LPCAT1: variants seen among roughly 807,000 people sequenced by gnomAD.
The protein encoded by LPCAT1 is lysophosphatidylcholine acyltransferase 1, also known as 1-acylglycerol-3-phosphate O-acyltransferase.
A neutral mutation model predicts 60.9 loss-of-function variants in LPCAT1; 23 were observed. The observed-to-expected ratio is 0.38, with a 90% CI of 0.27 to 0.53. The LOEUF is 0.53. LPCAT1 is among the 20% of genes least tolerant of loss of function. The probability of loss-of-function intolerance (pLI) is 0.82; values close to 1 mark genes in which losing one functional copy is unlikely to be tolerated. For missense variants in LPCAT1, 622 were observed against 723.6 expected, an observed-to-expected ratio of 0.86 and a Z score of 1.61; for synonymous variants, 340 against 301.1, an observed-to-expected ratio of 1.13 and a Z score of -1.34.
chr5:1,494,041 C>A (rs1472192970), intron 3 of LPCAT1, among the ~76,000 whole-genome samples: 1 of 152,238 alleles, frequency 6.6e-6, no homozygotes, highest in Admixed American at 6.5e-5. Flanking sequence ...CCCAGAGACG[C>A]CTTGATTTTG....
chr5:1,513,631 G>A (rs1181528077), intron 1 of LPCAT1, among the ~76,000 whole-genome samples: 3 of 152,018 alleles, frequency 2.0e-5, no homozygotes, highest in African/African-American at 7.2e-5. Context: ...CCGTGGGGCA[G>A]GACACCCTGC....
chr5:1,470,033 G>A (rs1734603024), intron 12 of LPCAT1, among the ~76,000 whole-genome samples: 1 of 152,272 alleles, frequency 6.6e-6, no homozygotes, highest in Non-Finnish European at 1.5e-5. Flanking sequence ...TGGAGAGGGT[G>A]TGCTGGCATC....
intron 3 of LPCAT1, among the ~76,000 whole-genome samples, chr5:1,493,850 AG>A (rs1225523331): frequency 6.6e-6 from 1 of 152,246 alleles, no homozygotes; most frequent in Non-Finnish European, 1.5e-5. Context: ...GTTTTTACAG[AG>A]GTAACTCGTT....
rs912499728 is a variant in LPCAT1, at chr5:1,483,791, C to T, written c.668-305G>A. Among the ~76,000 whole-genome samples, 41 of 150,526 alleles carry T rather than the reference C, an allele frequency of 2.7e-4. No individual in the cohort carries two copies. Among genetic ancestry groups the T allele is most frequent in the South Asian group, 4.2e-4 (2 of 4,730 alleles). On this transcript the variant is annotated intron_variant, in intron 5 of 13. Transcript: ENST00000283415. This position sits in a 1 kb window ranked among gnomAD's most constrained non-coding sequence, Gnocchi z 9.2. ...ACACTTGCTATTATAACATTGCGCA[C>T]GAGCTGGAAGACATCCGTGGAGGGA... is the stretch of plus-strand genomic sequence containing the variant.
intron 12 of LPCAT1, chr5:1,467,222 G>A (rs1336162071): frequency 1.4e-5 from 4 of 293,870 alleles, no homozygotes; most frequent in Non-Finnish European, 6.3e-6. Flanking sequence ...TCCTGCCTGG[G>A]CCACGGGCGA....
Position 1,463,441 on chromosome 5 carries a change from G to A in LPCAT1, c.*210C>T, listed in dbSNP as rs994091116. 15 of 597,014 alleles carry A rather than the reference G, an allele frequency of 2.5e-5. No individual in the cohort carries two copies. Among genetic ancestry groups the A allele is most frequent in the Admixed American group, 9.9e-5 (3 of 30,422 alleles). The allele number at this position is 597,014 out of a possible 1,614,324, so 37.0% of individuals were successfully genotyped here. On this transcript the variant is annotated 3_prime_UTR_variant, in exon 14 of 14. Transcript: ENST00000283415. The stretch of plus-strand genomic sequence containing the variant: ...GGCCAGGCGGGGGATCCGCGTGCGC[G>A]CCCTCCGATTCTCGCACAGTAAGCG...
chr5:1,489,926 A>G, intron 3 of LPCAT1, 68 bp from the exon 4 acceptor site: 2 of 1,160,614 alleles, frequency 1.7e-6, no homozygotes, highest in South Asian at 2.4e-5. Flanking sequence ...CTGAGGAACG[A>G]GGGGGCTGCT....
At chr5:1,467,965 G>T (rs867812318) in intron 12 of LPCAT1, among the ~76,000 whole-genome samples, 1 of 152,120 alleles carries the variant, frequency 6.6e-6, no homozygotes, top group Non-Finnish European at 1.5e-5. Context: ...AGCGCGCTGT[G>T]ATCTTGTGAG....
Position 1,474,009 on chromosome 5 carries a change from A to G in LPCAT1, c.1127T>C (p.Leu376Pro), listed in dbSNP as rs1224578151. The G allele has an allele frequency of 6.2e-7, 1 of 1,614,200 alleles. No homozygotes were observed. Among genetic ancestry groups the G allele is most frequent in the Admixed American group, 1.7e-5 (1 of 60,028 alleles). ...CAGCAAGTCAGAAACGGGGACTTCCAGGGAGGCGGCAAACTCCGCAATACC... is the reference window on the plus strand; with the variant it reads ...CAGCAAGTCAGAAACGGGGACTTCCGGGGAGGCGGCAAACTCCGCAATACC... ...KIGIAEFAAS[L>P]EVPVSDLLED... The change falls in exon 11 of 14, where the codon CTG becomes CCG. Residue 376 changes from leucine to proline, a missense_variant. This residue lies in a region of LPCAT1 where 288 missense variants were observed against 283.6 expected (regional missense o/e 1.02). Transcript: ENST00000283415.
rs553754665 is a variant in LPCAT1 at position 1,477,970 on chromosome 5, C to A, written c.817-484G>T. On this transcript the variant is annotated intron_variant, in intron 8 of 13. Coordinates refer to ENST00000283415, the MANE Select transcript of LPCAT1 (RefSeq NM_024830.5). The surrounding 1 kb of genome is among the most constrained non-coding windows in gnomAD (Gnocchi z 6.0). ...TGGCTCTCTGATCTACACTCACCCC[C>A]GTCAGTGCTCCTAGGAGCTCCTGCT... is the stretch of plus-strand genomic sequence containing the variant. 3.2e-4 allele frequency among the ~76,000 whole-genome samples: 48 copies of A among 152,206 alleles called. 1 individual carries two copies. Among genetic ancestry groups the A allele is most frequent in the African/African-American group, 1.0e-3 (43 of 41,514 alleles).
In LPCAT1 at chr5:1,496,858, GAGCCAGCACA is replaced by G; in HGVS notation, c.279-1954_279-1945del. On this transcript the variant is annotated intron_variant, in intron 2 of 13. Transcript: ENST00000283415. The surrounding 1 kb of genome is among the most constrained non-coding windows in gnomAD (Gnocchi z 4.7). ...GCACCCACTCACCCCAAGGCAAAGGGAGCCAGCACAAGCCCAGGGTGCTCAGGTGCCTGGG... is the reference window on the plus strand; with the variant it reads ...GCACCCACTCACCCCAAGGCAAAGGGAGCCCAGGGTGCTCAGGTGCCTGGG... 6.6e-6 allele frequency among the ~76,000 whole-genome samples: 1 copy of G among 152,314 alleles called. No homozygotes were observed. Among genetic ancestry groups the G allele is most frequent in the African/African-American group, 2.4e-5 (1 of 41,548 alleles).
intron 1 of LPCAT1, among the ~76,000 whole-genome samples, chr5:1,512,275 G>A (rs1330179714): frequency 1.3e-5 from 2 of 152,224 alleles, no homozygotes; most frequent in Non-Finnish European, 2.9e-5. Context: ...CAATCAGGAA[G>A]ATATGGAGCC....
At chr5:1,492,887 G>C (rs1295300013) in intron 3 of LPCAT1, among the ~76,000 whole-genome samples, 1 of 152,254 alleles carries the variant, frequency 6.6e-6, no homozygotes, top group Non-Finnish European at 1.5e-5. Flanking sequence ...GCAGCTGCGA[G>C]GGTGCCTGGG....
intron 11 of LPCAT1, among the ~76,000 whole-genome samples, chr5:1,472,383 GCTTT>G (rs557823918): frequency 2.4e-4 from 37 of 152,202 alleles, no homozygotes; most frequent in African/African-American, 8.0e-4. Flanking sequence ...GGAACTGATA[GCTTT>G]CTTTGTGCTA....
chr5:1,488,534 A>G (rs1735454829), intron 4 of LPCAT1, 83 bp from the exon 5 acceptor site: 2 of 950,128 alleles, frequency 2.1e-6, no homozygotes, highest in South Asian at 1.5e-5. Flanking sequence ...TCTTCACAAT[A>G]TATTTTCTTT....
chr5:1,480,377 C>A lies in LPCAT1; in HGVS notation c.761+565G>T. The A allele has an allele frequency of 1.0e-6, 1 of 985,384 alleles. No individual in the cohort carries two copies. The highest frequency in any genetic ancestry group is 1.7e-5 in the African/African-American group (1 of 57,344). 61.0% of individuals were successfully genotyped at this position (985,384 alleles called of 1,614,324 possible). ...ATGGAGCTGCTCTCTCTTGGACTTTCCCGCTCCCTCTGCCCTCCCGACGTC... is the reference window on the plus strand; with the variant it reads ...ATGGAGCTGCTCTCTCTTGGACTTTACCGCTCCCTCTGCCCTCCCGACGTC... On this transcript the variant is annotated intron_variant, in intron 7 of 13. Coordinates refer to ENST00000283415, the MANE Select transcript of LPCAT1 (RefSeq NM_024830.5). This position sits in a 1 kb window ranked among gnomAD's most constrained non-coding sequence, Gnocchi z 6.4.
At position 1,483,591 on chromosome 5, in the gene LPCAT1, G is replaced by T. The variant is rs534297124; in HGVS notation, c.668-105C>A. On this transcript the variant is annotated intron_variant, in intron 5 of 13. Transcript: ENST00000283415. The surrounding 1 kb of genome is among the most constrained non-coding windows in gnomAD (Gnocchi z 9.2). Reference sequence around the variant, plus strand: ...GGATAAAAGTGAGCTTTTCTGTCTAGGCCTTCCTGGTCAGCAAGGGCACTC... The same window carrying T: ...GGATAAAAGTGAGCTTTTCTGTCTATGCCTTCCTGGTCAGCAAGGGCACTC... 2.5e-6 allele frequency: 3 copies of T among 1,187,070 alleles called. No homozygotes were observed. Among genetic ancestry groups the T allele is most frequent in the Admixed American group, 1.9e-5 (1 of 52,410 alleles). 73.5% of individuals were successfully genotyped at this position (1,187,070 alleles called of 1,614,324 possible).
At chr5:1,486,916 G>A (rs1369668093) in intron 5 of LPCAT1, among the ~76,000 whole-genome samples, 3 of 152,308 alleles carry the variant, frequency 2.0e-5, no homozygotes, top group East Asian at 1.9e-4. Context: ...CACAGCGAGC[G>A]CCCTTCCTGG....
rs1340555024 is a variant in LPCAT1, at chr5:1,463,328, CAG to C, written c.*321_*322del. ...ACGCTGCCGCCGGAAGAGGCTGTGA[CAG>C]AGACTCGAAACCAGGGCCCCGTGGG... On this transcript the variant is annotated 3_prime_UTR_variant, in exon 14 of 14. Transcript: ENST00000283415. 11 of 299,352 alleles carry C rather than the reference CAG, an allele frequency of 3.7e-5. No individual in the cohort carries two copies. In the South Asian group the frequency reaches 7.0e-4, roughly 19 times the overall value. 18.5% of individuals were successfully genotyped at this position (299,352 alleles called of 1,614,324 possible).
Sources: gnomAD v4.1 joint callset for allele counts (sites outside exome capture counted in the v4.1 genomes callset) on GRCh38, gnomAD v4.1.1 for gene constraint, gnomAD v4.1.1 regional missense constraint, Gnocchi (gnomAD v3.1) non-coding constraint, MANE v1.5 for transcripts, NCBI Gene and HGNC (gene_info 2026-07-23, HGNC 2026-07-21) for gene names.